VWC2L: variants seen among roughly 807,000 people sequenced by gnomAD.
VWC2L encodes von Willebrand factor C domain-containing protein 2-like.
Under a neutral mutation model 21.6 loss-of-function variants are expected in VWC2L, and 10 were observed. That is an observed-to-expected ratio of 0.46 (90% CI 0.29 to 0.78). The LOEUF is 0.78. Ranked by LOEUF, VWC2L falls within the 30% of genes least tolerant of loss-of-function variation. VWC2L has a pLI of 0.10. For missense variants in VWC2L, 209 were observed against 277.1 expected, an observed-to-expected ratio of 0.75 and a Z score of 1.74; for synonymous variants, 96 against 94.3, an observed-to-expected ratio of 1.02 and a Z score of -0.10.
At position 214,578,147 on chromosome 2, in the gene VWC2L, T is replaced by C. The variant is rs1000529214; in HGVS notation, c.*2327T>C. On this transcript the variant is annotated 3_prime_UTR_variant, in exon 4 of 4. Coordinates refer to ENST00000312504, the MANE Select transcript of VWC2L (RefSeq NM_001080500.4). ...CTTGGAAAGAAATAATAATAATAAATGACAGGAATAAGGTTTGAAACTCAG... is the reference window on the plus strand; with the variant it reads ...CTTGGAAAGAAATAATAATAATAAACGACAGGAATAAGGTTTGAAACTCAG... 6.6e-6 allele frequency: 1 copy of C among 152,114 alleles called. No individual in the cohort carries two copies. The highest frequency in any genetic ancestry group is 1.5e-5 in the Non-Finnish European group (1 of 68,014). 9.4% of individuals were successfully genotyped at this position (152,114 alleles called of 1,614,324 possible).
chr2:214,549,132 T>C (rs1019433710), intron 3 of VWC2L, among the ~76,000 whole-genome samples: 2 of 152,190 alleles, frequency 1.3e-5, no homozygotes, highest in African/African-American at 4.8e-5. Flanking sequence ...TTCCCCACAC[T>C]TCCTCTGATC....
At chr2:214,470,022 C>G (rs1484619776) in intron 3 of VWC2L, among the ~76,000 whole-genome samples, 1 of 152,028 alleles carries the variant, frequency 6.6e-6, no homozygotes, top group Non-Finnish European at 1.5e-5. Flanking sequence ...GAAAAAAAAG[C>G]AAAGCAAAAG....
chr2:214,485,102 A>T (rs1688657474), intron 3 of VWC2L, among the ~76,000 whole-genome samples: 2 of 152,134 alleles, frequency 1.3e-5, no homozygotes, highest in South Asian at 4.1e-4. Context: ...GGATCATTTG[A>T]GGTCAGGAGT....
At chr2:214,527,023 G>C (rs373059777) in intron 3 of VWC2L, among the ~76,000 whole-genome samples, 1 of 152,156 alleles carries the variant, frequency 6.6e-6, no homozygotes, top group East Asian at 1.9e-4. Flanking sequence ...GTGGTTCCGT[G>C]GTAGAAAATA....
At chr2:214,550,807 G>C (rs943078644) in intron 3 of VWC2L, among the ~76,000 whole-genome samples, 2 of 152,144 alleles carry the variant, frequency 1.3e-5, no homozygotes, top group African/African-American at 4.8e-5. Context: ...TCTGAACAGA[G>C]CGCACGTTCA....
intron 3 of VWC2L, among the ~76,000 whole-genome samples, chr2:214,477,075 C>G (rs1439250379): frequency 6.6e-6 from 1 of 152,194 alleles, no homozygotes; most frequent in Admixed American, 6.5e-5. Context: ...AATTTATTTT[C>G]CATTTGCTAA....
In VWC2L at chr2:214,575,861, C is replaced by A. The variant is rs762789766; in HGVS notation, c.*41C>A. 6.3e-7 allele frequency: 1 copy of A among 1,589,762 alleles called. No individual in the cohort carries two copies. The highest frequency in any genetic ancestry group is 8.6e-7 in the Non-Finnish European group (1 of 1,162,708). ...AATGATGAGTTCTTAGGAAAGGATG[C>A]TATGGCTTCAACACTGCACATGTTT... On this transcript the variant is annotated 3_prime_UTR_variant, in exon 4 of 4. Coordinates refer to ENST00000312504, the MANE Select transcript of VWC2L (RefSeq NM_001080500.4).
At chr2:214,537,693 T>TA (rs1365431502) in intron 3 of VWC2L, among the ~76,000 whole-genome samples, 1 of 152,102 alleles carries the variant, frequency 6.6e-6, no homozygotes, top group Admixed American at 6.6e-5. Context: ...ATCATAACAT[T>TA]ATGCGTACCA....
At chr2:214,413,651 C>T (rs149559323) in intron 1 of VWC2L, among the ~76,000 whole-genome samples, 185 of 152,240 alleles carry the variant, frequency 1.2e-3, no homozygotes, top group African/African-American at 4.2e-3. Context: ...TTGGTTTATT[C>T]CCTTTCCTTT....
At chr2:214,541,284 G>GA (rs201085687) in intron 3 of VWC2L, among the ~76,000 whole-genome samples, 31,056 of 146,194 alleles carry the variant, frequency 0.21, 3,480 homozygotes, top group East Asian at 0.26. Flanking sequence ...CACCCAAATG[G>GA]AAAAAAAAAA....
intron 3 of VWC2L, among the ~76,000 whole-genome samples, chr2:214,475,716 T>A (rs560269902): frequency 6.6e-6 from 1 of 151,284 alleles, no homozygotes; most frequent in African/African-American, 2.4e-5. Context: ...GATTTTTAAG[T>A]GAAATCTCCC....
intron 2 of VWC2L, among the ~76,000 whole-genome samples, chr2:214,425,734 G>C (rs1465726244): frequency 6.6e-6 from 1 of 152,086 alleles, no homozygotes. Flanking sequence ...CTTTCATATA[G>C]AGAAGCGGTA....
intron 3 of VWC2L, among the ~76,000 whole-genome samples, chr2:214,560,837 T>A (rs1689955745): frequency 6.6e-6 from 1 of 152,218 alleles, no homozygotes; most frequent in Admixed American, 6.5e-5. Flanking sequence ...AACACAATAA[T>A]GACAGCTCAA....
chr2:214,548,450 T>C (rs1292362019), intron 3 of VWC2L, among the ~76,000 whole-genome samples: 5 of 152,210 alleles, frequency 3.3e-5, no homozygotes, highest in African/African-American at 7.2e-5. Context: ...TAAATGTCCA[T>C]GTTTTCCCTG....
chr2:214,491,656 C>CA, intron 3 of VWC2L, among the ~76,000 whole-genome samples: 1 of 152,208 alleles, frequency 6.6e-6, no homozygotes, highest in Non-Finnish European at 1.5e-5. Context: ...TGCCCTGAGT[C>CA]CTTTCACTCA....
rs1690257131 is a variant in VWC2L, at chr2:214,577,827, T to G, written c.*2007T>G. The G allele has an allele frequency of 6.6e-6, 1 of 152,200 alleles. No homozygotes were observed. 9.4% of individuals were successfully genotyped at this position (152,200 alleles called of 1,614,324 possible). On this transcript the variant is annotated 3_prime_UTR_variant, in exon 4 of 4. Transcript: ENST00000312504. Reference sequence around the variant, plus strand: ...GCTGACGAGTCAGACCTGACATTCTTATGCACACTGTGCTTGCGTTATGAT... The same window carrying G: ...GCTGACGAGTCAGACCTGACATTCTGATGCACACTGTGCTTGCGTTATGAT...
intron 3 of VWC2L, among the ~76,000 whole-genome samples, chr2:214,532,310 A>G (rs778456239): frequency 6.6e-6 from 1 of 152,134 alleles, no homozygotes; most frequent in Admixed American, 6.6e-5. Flanking sequence ...AAAGCTGGTG[A>G]TAAAATCTGA....
At chr2:214,417,894 G>A (rs1343453383) in intron 2 of VWC2L, among the ~76,000 whole-genome samples, 1 of 152,168 alleles carries the variant, frequency 6.6e-6, no homozygotes, top group Non-Finnish European at 1.5e-5. Flanking sequence ...GAAAAAAAGA[G>A]AATGAGGTGC....
chr2:214,550,468 T>C (rs928750602), intron 3 of VWC2L, among the ~76,000 whole-genome samples: 1 of 152,226 alleles, frequency 6.6e-6, no homozygotes, highest in African/African-American at 2.4e-5. Context: ...TTTAAATGTC[T>C]AAAATTGAAC....
Sources: allele counts gnomAD v4.1 joint callset (sites outside exome capture counted in the v4.1 genomes callset), GRCh38; gene constraint gnomAD v4.1.1; transcripts MANE v1.5; gene names NCBI Gene and HGNC (gene_info 2026-07-23, HGNC 2026-07-21).